The following KCNU1 variants were observed in gnomAD, a reference collection of about 807,000 sequenced individuals.
KCNU1 encodes the protein potassium calcium-activated channel subfamily U member 1.
A neutral mutation model predicts 126.8 loss-of-function variants in KCNU1; 93 were observed. The ratio of observed to expected loss-of-function variants is 0.73; its 90% CI spans 0.62 to 0.87. The LOEUF (loss-of-function observed/expected upper bound fraction) is 0.87. Ranked by LOEUF, KCNU1 falls within the 40% of genes least tolerant of loss-of-function variation. KCNU1 has a pLI of 0.00. For synonymous variants in KCNU1, 523 were observed against 494.2 expected (o/e 1.06, Z -0.77); for missense variants, 1,330 against 1,367.1 (o/e 0.97, Z 0.43).
chr8:36,898,675 C>T (rs1278208055), intron 19 of KCNU1, among the ~76,000 whole-genome samples: 2 of 152,024 alleles, frequency 1.3e-5, no homozygotes, highest in African/African-American at 4.8e-5. Flanking sequence ...TGTTCAGGTC[C>T]TTGTCCAATA....
intron 19 of KCNU1, among the ~76,000 whole-genome samples, chr8:36,887,826 G>A (rs925950158): frequency 6.6e-6 from 1 of 152,106 alleles, no homozygotes; most frequent in African/African-American, 2.4e-5. Context: ...CTTAACCCTT[G>A]CCTAGAATGG....
At chr8:36,920,718 G>T (rs1264804106) in intron 23 of KCNU1, among the ~76,000 whole-genome samples, 1 of 152,212 alleles carries the variant, frequency 6.6e-6, no homozygotes, top group Non-Finnish European at 1.5e-5. Flanking sequence ...ATTTGTGTGT[G>T]TGTGTGCGTG....
intron 2 of KCNU1, among the ~76,000 whole-genome samples, chr8:36,788,240 A>C (rs1006615628): frequency 3.3e-5 from 5 of 152,182 alleles, no homozygotes; most frequent in Non-Finnish European, 7.4e-5. Flanking sequence ...TATTAGGCTA[A>C]GAGTTCCTCC....
At chr8:36,922,263 C>G (rs1022738554) in intron 23 of KCNU1, among the ~76,000 whole-genome samples, 1 of 151,996 alleles carries the variant, frequency 6.6e-6, no homozygotes, top group African/African-American at 2.4e-5. Flanking sequence ...CAGCAATGTC[C>G]CCTTGATGGT....
At chr8:36,922,298 C>G (rs1483251589) in intron 23 of KCNU1, among the ~76,000 whole-genome samples, 192 bp from the exon 24 acceptor site, 2 of 151,486 alleles carry the variant, frequency 1.3e-5, no homozygotes, top group Admixed American at 6.6e-5. Context: ...GAACTATGTA[C>G]TTTGTGGGAA....
In KCNU1 at chr8:36,787,525, T is replaced by A; in HGVS notation, c.315+100T>A. On this transcript the variant is annotated intron_variant, in intron 2 of 26. Coordinates refer to ENST00000399881, the MANE Select transcript of KCNU1 (RefSeq NM_001031836.3). The stretch of plus-strand genomic sequence containing the variant: ...GATTCCCTAGGTAAACAACTGACGT[T>A]CCTTTGGTCGTCTTATCTATAATAT... The A allele has an allele frequency of 3.3e-6, 4 of 1,207,872 alleles. No individual in the cohort carries two copies. In the South Asian group the frequency reaches 6.8e-5, roughly 20 times the overall value. The allele number at this position is 1,207,872 out of a possible 1,614,324, so 74.8% of individuals were successfully genotyped here.
chr8:36,883,790 C>G (rs777176105), intron 19 of KCNU1, among the ~76,000 whole-genome samples: 3 of 151,628 alleles, frequency 2.0e-5, no homozygotes, highest in Non-Finnish European at 4.4e-5. Flanking sequence ...GACCCTGTCT[C>G]AAAAAAAAGA....
At chr8:36,821,954 G>C (rs1448217344) in intron 10 of KCNU1, among the ~76,000 whole-genome samples, 3 of 152,102 alleles carry the variant, frequency 2.0e-5, no homozygotes, top group Non-Finnish European at 2.9e-5. Flanking sequence ...TGTATTCAAA[G>C]CATTTTCAAC....
At chr8:36,924,483 G>A (rs1279227627) in intron 24 of KCNU1, among the ~76,000 whole-genome samples, 2 of 152,170 alleles carry the variant, frequency 1.3e-5, no homozygotes, top group South Asian at 2.1e-4. Context: ...AGCCGTGGTA[G>A]GGGTCTCATA....
At chr8:36,820,110 A>G (rs1804067488) in intron 10 of KCNU1, among the ~76,000 whole-genome samples, 1 of 152,164 alleles carries the variant, frequency 6.6e-6, no homozygotes, top group African/African-American at 2.4e-5. Flanking sequence ...TGGACATTCC[A>G]GCTCCTTGTG....
chr8:36,868,291 T>C (rs191400969), intron 19 of KCNU1, among the ~76,000 whole-genome samples: 2 of 152,250 alleles, frequency 1.3e-5, no homozygotes, highest in African/African-American at 4.8e-5. Flanking sequence ...ATTGGCAACA[T>C]ATGTCTAGAG....
chr8:36,787,877 T>A (rs530396289), intron 2 of KCNU1, among the ~76,000 whole-genome samples: 5 of 148,248 alleles, frequency 3.4e-5, no homozygotes, highest in Non-Finnish European at 7.4e-5. Flanking sequence ...TTTATAATTA[T>A]ATAATTACTA....
At chr8:36,820,249 A>T (rs1210727540) in intron 10 of KCNU1, among the ~76,000 whole-genome samples, 1 of 152,220 alleles carries the variant, frequency 6.6e-6, no homozygotes, top group South Asian at 2.1e-4. Flanking sequence ...CTTAAGGTCT[A>T]TAATTTCTAG....
At chr8:36,878,612 G>C (rs1448389911) in intron 19 of KCNU1, among the ~76,000 whole-genome samples, 1 of 152,082 alleles carries the variant, frequency 6.6e-6, no homozygotes, top group Admixed American at 6.6e-5. Flanking sequence ...TGACCATTGG[G>C]TAGGGGATGA....
At chr8:36,831,761 T>G (rs2130538228) in intron 10 of KCNU1, among the ~76,000 whole-genome samples, 1 of 149,910 alleles carries the variant, frequency 6.7e-6, no homozygotes, top group Non-Finnish European at 1.5e-5. Context: ...CTCTTTAGTT[T>G]AATTAGATCC....
chr8:36,901,512 A>G (rs1807418017), intron 19 of KCNU1, among the ~76,000 whole-genome samples: 1 of 150,922 alleles, frequency 6.6e-6, no homozygotes, highest in African/African-American at 2.5e-5. Context: ...TGCTCATGAG[A>G]CACAGTCTTC....
At chr8:36,884,450 C>G (rs941809691) in intron 19 of KCNU1, among the ~76,000 whole-genome samples, 1 of 152,020 alleles carries the variant, frequency 6.6e-6, no homozygotes, top group African/African-American at 2.4e-5. Flanking sequence ...ATTTGAAAAC[C>G]AGTAGCCGGG....
chr8:36,872,318 C>T (rs1806131489), intron 19 of KCNU1, among the ~76,000 whole-genome samples: 1 of 152,118 alleles, frequency 6.6e-6, no homozygotes, highest in African/African-American at 2.4e-5. Flanking sequence ...TTTTAGGCAA[C>T]ATCCAATAAG....
chr8:36,928,320 G>C (rs1411340398), intron 24 of KCNU1, among the ~76,000 whole-genome samples: 1 of 152,040 alleles, frequency 6.6e-6, no homozygotes, highest in Non-Finnish European at 1.5e-5. Context: ...TTAATCAGTG[G>C]AGAATTATTC....
Sources: gnomAD v4.1 joint callset for allele counts (sites outside exome capture counted in the v4.1 genomes callset) on GRCh38, gnomAD v4.1.1 for gene constraint, MANE v1.5 for transcripts, NCBI Gene and HGNC (gene_info 2026-07-23, HGNC 2026-07-21) for gene names.